ROBO1: variants seen among roughly 807,000 people sequenced by gnomAD.
ROBO1 encodes the protein roundabout guidance receptor 1, also known as roundabout homolog 1.
In ROBO1, 149 loss-of-function variants were observed where a neutral mutation model predicts 195.9. The observed-to-expected ratio is 0.76, with a 90% CI of 0.67 to 0.87. The LOEUF is 0.87. Among genes scored for constraint, ROBO1 ranks in the 40% least tolerant of loss-of-function variants. The pLI is 0.00. For missense variants in ROBO1, 1,933 were observed against 2,068.3 expected (o/e 0.93, Z 1.27); for synonymous variants, 816 against 733.2 (o/e 1.11, Z -1.82).
At chr3:79,048,977 G>A (rs2078646709) in intron 3 of ROBO1, among the ~76,000 whole-genome samples, 1 of 152,088 alleles carries the variant, frequency 6.6e-6, no homozygotes, top group Non-Finnish European at 1.5e-5. Flanking sequence ...CCAAAAACCA[G>A]AGCACCTCTT....
chr3:79,141,683 C>T (rs923938961), intron 2 of ROBO1, among the ~76,000 whole-genome samples: 2 of 151,720 alleles, frequency 1.3e-5, no homozygotes, highest in African/African-American at 2.4e-5. Context: ...GGTTTCACTG[C>T]GCAAATTCAC....
At chr3:79,727,300 G>A (rs1031552380) in intron 1 of ROBO1, among the ~76,000 whole-genome samples, 2 of 151,972 alleles carry the variant, frequency 1.3e-5, no homozygotes, top group East Asian at 1.9e-4. Flanking sequence ...AAAAATATGT[G>A]AAATATTTTG....
At chr3:79,717,612 T>C (rs181826676) in intron 1 of ROBO1, among the ~76,000 whole-genome samples, 20 of 152,144 alleles carry the variant, frequency 1.3e-4, no homozygotes, top group Non-Finnish European at 2.9e-4. Context: ...CTTTTTGTAC[T>C]TAATTCAATG....
chr3:79,097,940 A>G (rs1323257368), intron 3 of ROBO1, among the ~76,000 whole-genome samples: 1 of 151,738 alleles, frequency 6.6e-6, no homozygotes, highest in East Asian at 1.9e-4. Flanking sequence ...CCTGATTTAT[A>G]TATGAATTCT....
intron 3 of ROBO1, among the ~76,000 whole-genome samples, chr3:78,987,664 T>A (rs974115939): frequency 1.3e-5 from 2 of 151,862 alleles, no homozygotes; most frequent in Admixed American, 6.6e-5. Context: ...AAAAAATAGT[T>A]AGAAAGAATG....
chr3:78,850,736 G>A (rs570166644), intron 4 of ROBO1, among the ~76,000 whole-genome samples: 27 of 152,158 alleles, frequency 1.8e-4, no homozygotes, highest in African/African-American at 5.8e-4. Flanking sequence ...GCTGCTTCTT[G>A]GATTGGGGTA....
intron 2 of ROBO1, among the ~76,000 whole-genome samples, chr3:79,241,309 G>A (rs2082512853): frequency 6.6e-6 from 1 of 152,090 alleles, no homozygotes; most frequent in Admixed American, 6.5e-5. Context: ...GGAAGACAAT[G>A]ATTTGAATAT....
chr3:79,142,461 C>G (rs1461077290), intron 2 of ROBO1, among the ~76,000 whole-genome samples: 1 of 152,078 alleles, frequency 6.6e-6, no homozygotes, highest in African/African-American at 2.4e-5. Context: ...AGATACTGCA[C>G]CAACTAATTC....
intron 22 of ROBO1, among the ~76,000 whole-genome samples, chr3:78,638,449 G>A (rs1705696386): frequency 6.6e-6 from 1 of 151,256 alleles, no homozygotes; most frequent in Non-Finnish European, 1.5e-5. Context: ...TACTGTTGTA[G>A]ATTATTATTA....
intron 2 of ROBO1, among the ~76,000 whole-genome samples, chr3:79,297,683 T>C (rs1044551247): frequency 6.6e-6 from 1 of 152,156 alleles, no homozygotes; most frequent in Non-Finnish European, 1.5e-5. Context: ...ATACCATTTC[T>C]CCAAACTGTA....
chr3:79,072,176 T>A (rs2079102017), intron 3 of ROBO1, among the ~76,000 whole-genome samples: 2 of 152,018 alleles, frequency 1.3e-5, no homozygotes, highest in South Asian at 4.1e-4. Flanking sequence ...CTCTGCATTT[T>A]CCTAGAACTT....
intron 2 of ROBO1, among the ~76,000 whole-genome samples, chr3:79,577,572 A>G (rs548803037): frequency 1.3e-5 from 2 of 152,280 alleles, no homozygotes; most frequent in South Asian, 4.1e-4. Flanking sequence ...AAAGGATTTG[A>G]ATGCCAAATT....
At chr3:79,293,141 C>T (rs1219744719) in intron 2 of ROBO1, among the ~76,000 whole-genome samples, 1 of 152,042 alleles carries the variant, frequency 6.6e-6, no homozygotes, top group Admixed American at 6.6e-5. Context: ...CCATTTCATC[C>T]ACATTTTCCA....
intron 1 of ROBO1, among the ~76,000 whole-genome samples, chr3:79,725,322 G>A (rs557613182): frequency 6.7e-6 from 1 of 149,566 alleles, no homozygotes; most frequent in South Asian, 2.1e-4. Flanking sequence ...CGCCTCCCGG[G>A]TTCACGCCAT....
At chr3:79,670,085 A>T (rs1946589327) in intron 1 of ROBO1, among the ~76,000 whole-genome samples, 1 of 151,934 alleles carries the variant, frequency 6.6e-6, no homozygotes, top group South Asian at 2.1e-4. Flanking sequence ...CAAATTTTGG[A>T]TAGCAGTGGG....
chr3:78,881,987 A>G (rs1338250585), intron 4 of ROBO1, among the ~76,000 whole-genome samples: 1 of 152,114 alleles, frequency 6.6e-6, no homozygotes, highest in Non-Finnish European at 1.5e-5. Flanking sequence ...TTTGAGGGTA[A>G]ATTTTATGTC....
At chr3:79,700,169 G>T (rs1947571751) in intron 1 of ROBO1, among the ~76,000 whole-genome samples, 1 of 151,606 alleles carries the variant, frequency 6.6e-6, no homozygotes, top group South Asian at 2.1e-4. Context: ...CATGATTTTG[G>T]TTTTTTATGG....
chr3:79,299,797 C>A, intron 2 of ROBO1, among the ~76,000 whole-genome samples: 1 of 149,600 alleles, frequency 6.7e-6, no homozygotes. Flanking sequence ...AGTTAATTAA[C>A]CAAGGAATGA....
chr3:79,040,450 G>T (rs1349056134), intron 3 of ROBO1, among the ~76,000 whole-genome samples: 2 of 152,004 alleles, frequency 1.3e-5, no homozygotes, highest in Admixed American at 6.6e-5. Flanking sequence ...AAACTAAAAA[G>T]AATAATTTAC....
Sources: gnomAD v4.1 joint callset for allele counts (sites outside exome capture counted in the v4.1 genomes callset) on GRCh38, gnomAD v4.1.1 for gene constraint, MANE v1.5 for transcripts, NCBI Gene and HGNC (gene_info 2026-07-23, HGNC 2026-07-21) for gene names.